Variants in RABGAP1L observed in about 807,000 individuals in gnomAD.
The protein encoded by RABGAP1L is rab GTPase-activating protein 1-like.
Under a neutral mutation model 137.7 loss-of-function variants are expected in RABGAP1L, and 63 were observed. The observed-to-expected ratio is 0.46, with a 90% CI of 0.37 to 0.56. RABGAP1L has a LOEUF of 0.56. Among genes scored for constraint, RABGAP1L ranks in the 20% least tolerant of loss-of-function variants. The pLI is 0.00. For missense variants in RABGAP1L, 1,095 were observed against 1,244.0 expected (o/e 0.88, Z 1.80); for synonymous variants, 431 against 433.7 (o/e 0.99, Z 0.08).
intron 19 of RABGAP1L, among the ~76,000 whole-genome samples, chr1:174,813,541 C>T (rs1340838420): frequency 2.0e-5 from 3 of 152,022 alleles, no homozygotes; most frequent in Non-Finnish European, 4.4e-5. Flanking sequence ...TTAAAAAGTA[C>T]AGTTAAAAAG....
At chr1:174,863,326 TTTAG>T (rs1319442278) in intron 19 of RABGAP1L, among the ~76,000 whole-genome samples, 5 of 151,958 alleles carry the variant, frequency 3.3e-5, no homozygotes, top group South Asian at 2.1e-4. Context: ...TGTCATTTAC[TTTAG>T]TTAATCTTTT....
intron 11 of RABGAP1L, among the ~76,000 whole-genome samples, chr1:174,342,506 G>A (rs1352214062): frequency 6.6e-6 from 1 of 152,114 alleles, no homozygotes; most frequent in African/African-American, 2.4e-5. Flanking sequence ...TAACAAAACT[G>A]TAAAAATCAT....
At chr1:174,233,355 A>G (rs1426827684) in intron 4 of RABGAP1L, among the ~76,000 whole-genome samples, 3 of 150,282 alleles carry the variant, frequency 2.0e-5, no homozygotes, top group African/African-American at 4.9e-5. Context: ...ATGCTGGTGC[A>G]CTGCACCCAC....
In RABGAP1L at chr1:174,743,086, C is replaced by T. The variant is rs903163198; in HGVS notation, c.2170-9227C>T. 2.6e-5 allele frequency among the ~76,000 whole-genome samples: 4 copies of T among 152,102 alleles called. No homozygotes were observed. In the East Asian group the frequency reaches 5.8e-4, roughly 22 times the overall value. ...CAATGACTAAGATGATGATTATTGC[C>T]AAGGAAGAAGGCTTTAATTGGGGGC... is the stretch of plus-strand genomic sequence containing the variant. On this transcript the variant is annotated intron_variant, in intron 17 of 25. Coordinates refer to ENST00000681986, the MANE Select transcript of RABGAP1L (RefSeq NM_001366446.1).
chr1:174,370,229 G>C (rs867443221), intron 11 of RABGAP1L, among the ~76,000 whole-genome samples: 5 of 152,160 alleles, frequency 3.3e-5, no homozygotes, highest in Middle Eastern at 3.4e-3. Context: ...GTAGTACTGT[G>C]TCAAAGACTA....
At chr1:174,623,046 A>G (rs1672656805) in intron 13 of RABGAP1L, among the ~76,000 whole-genome samples, 1 of 152,228 alleles carries the variant, frequency 6.6e-6, no homozygotes, top group Admixed American at 6.5e-5. Flanking sequence ...GATCTGATAC[A>G]GATTTTTCAC....
intron 15 of RABGAP1L, among the ~76,000 whole-genome samples, chr1:174,693,618 GT>G (rs1301071821): frequency 4.0e-5 from 6 of 151,536 alleles, no homozygotes; most frequent in Admixed American, 3.9e-4. Context: ...TATGCAATTT[GT>G]TTATTTACTC....
intron 10 of RABGAP1L, among the ~76,000 whole-genome samples, chr1:174,297,665 C>T (rs1247251712): frequency 6.6e-6 from 1 of 152,122 alleles, no homozygotes; most frequent in Non-Finnish European, 1.5e-5. Flanking sequence ...GCAGAGCTCC[C>T]TCAGAGACCT....
intron 18 of RABGAP1L, among the ~76,000 whole-genome samples, chr1:174,808,627 G>A (rs1488256676): frequency 6.6e-6 from 1 of 150,774 alleles, no homozygotes; most frequent in Non-Finnish European, 1.5e-5. Context: ...TTGTTTTTTT[G>A]GTGTGTGTGT....
intron 1 of RABGAP1L, among the ~76,000 whole-genome samples, chr1:174,207,856 C>T (rs1210330537): frequency 2.0e-5 from 3 of 152,246 alleles, no homozygotes; most frequent in East Asian, 1.9e-4. Context: ...GAACTGGTCT[C>T]CTTCATCTAA....
intron 13 of RABGAP1L, among the ~76,000 whole-genome samples, chr1:174,619,747 C>T (rs1445089840): frequency 6.6e-6 from 1 of 152,172 alleles, no homozygotes; most frequent in African/African-American, 2.4e-5. Context: ...AGCAAAATAA[C>T]CACCTAACAT....
At position 174,777,426 on chromosome 1, in the gene RABGAP1L, A is replaced by G. The variant is rs575072429; in HGVS notation, c.2211+25072A>G. ...CCCCTCATCTCTACAGGATGCCCAT[A>G]GGACATGCTCAGTTGAGACAAACAA... On this transcript the variant is annotated intron_variant, in intron 18 of 25. Transcript: ENST00000681986. Among the ~76,000 whole-genome samples the G allele has an allele frequency of 3.0e-4, 46 of 152,342 alleles. 1 individual carries two copies. In the South Asian group the frequency reaches 9.5e-3, roughly 32 times the overall value.
chr1:174,923,175 A>G (rs1294305152), intron 19 of RABGAP1L, among the ~76,000 whole-genome samples: 2 of 151,916 alleles, frequency 1.3e-5, no homozygotes, highest in African/African-American at 2.4e-5. Flanking sequence ...GAGCATATCT[A>G]TAGAGTTGTA....
chr1:174,501,294 A>C (rs1478900665), intron 13 of RABGAP1L, among the ~76,000 whole-genome samples: 1 of 151,316 alleles, frequency 6.6e-6, no homozygotes, highest in Non-Finnish European at 1.5e-5. Flanking sequence ...GCTCACTGCA[A>C]CCTCTGCCTC....
intron 19 of RABGAP1L, among the ~76,000 whole-genome samples, chr1:174,832,678 A>G (rs1573406655): frequency 8.3e-6 from 1 of 120,814 alleles, no homozygotes; most frequent in African/African-American, 2.9e-5. Context: ...CAGTGGGCAC[A>G]CCCACAGCCA....
intron 19 of RABGAP1L, among the ~76,000 whole-genome samples, chr1:174,888,698 A>G (rs1242225756): frequency 6.6e-6 from 1 of 152,024 alleles, no homozygotes; most frequent in Non-Finnish European, 1.5e-5. Context: ...AGGTTTCCCC[A>G]TGTTGGCCAG....
At chr1:174,375,283 G>C (rs1194453954) in intron 12 of RABGAP1L, among the ~76,000 whole-genome samples, 3 of 151,760 alleles carry the variant, frequency 2.0e-5, no homozygotes, top group African/African-American at 7.3e-5. Flanking sequence ...TAGAAAACAA[G>C]TCTGTCAATG....
intron 13 of RABGAP1L, among the ~76,000 whole-genome samples, chr1:174,449,377 T>A (rs1558244488): frequency 6.6e-6 from 1 of 152,080 alleles, no homozygotes; most frequent in Non-Finnish European, 1.5e-5. Flanking sequence ...AAGGGAAGGA[T>A]GTATAGAGGG....
At chr1:174,494,633 G>A (rs1392453095) in intron 13 of RABGAP1L, among the ~76,000 whole-genome samples, 1 of 152,012 alleles carries the variant, frequency 6.6e-6, no homozygotes, top group Non-Finnish European at 1.5e-5. Flanking sequence ...TTTTTAGGTG[G>A]CCAGTAGAAA....
Sources: allele counts gnomAD v4.1 joint callset (sites outside exome capture counted in the v4.1 genomes callset), GRCh38; gene constraint gnomAD v4.1.1; transcripts MANE v1.5; gene names NCBI Gene and HGNC (gene_info 2026-07-23, HGNC 2026-07-21).